Variants in SLC35F1 observed in about 807,000 individuals in gnomAD.
The protein encoded by SLC35F1 is solute carrier family 35 member F1, also known as chromosome 6 open reading frame 169.
In SLC35F1, 14 loss-of-function variants were observed where a neutral mutation model predicts 48.7. The observed-to-expected ratio is 0.29, with a 90% confidence interval of 0.19 to 0.45. SLC35F1 has a LOEUF of 0.45. SLC35F1 is among the 20% of genes least tolerant of loss of function. SLC35F1 has a pLI of 1.00. For synonymous variants in SLC35F1, 190 were observed against 202.2 expected (o/e 0.94, Z 0.51); for missense variants, 404 against 500.0 (o/e 0.81, Z 1.83).
chr6:118,043,816 A>G (rs568244545), intron 1 of SLC35F1, among the ~76,000 whole-genome samples: 106 of 152,358 alleles, frequency 7.0e-4, no homozygotes, highest in African/African-American at 2.5e-3. Flanking sequence ...GAAATGTTCT[A>G]AAGTTTTTGC....
At chr6:117,914,370 C>T (rs1466437053) in intron 1 of SLC35F1, among the ~76,000 whole-genome samples, 1 of 151,592 alleles carries the variant, frequency 6.6e-6, no homozygotes, top group Non-Finnish European at 1.5e-5. Context: ...ACTGAACAAA[C>T]ACTGAATAGA....
intron 2 of SLC35F1, among the ~76,000 whole-genome samples, chr6:118,200,174 A>G (rs1005269819): frequency 1.3e-5 from 2 of 149,104 alleles, no homozygotes; most frequent in Non-Finnish European, 2.9e-5. Flanking sequence ...ATACATACAT[A>G]CATACATACA....
At chr6:118,042,537 T>A (rs1335674025) in intron 1 of SLC35F1, among the ~76,000 whole-genome samples, 1 of 152,106 alleles carries the variant, frequency 6.6e-6, no homozygotes, top group Non-Finnish European at 1.5e-5. Context: ...AAGATGAACG[T>A]CAGAAACTTG....
intron 1 of SLC35F1, among the ~76,000 whole-genome samples, chr6:118,068,059 C>G (rs911764954): frequency 2.6e-5 from 4 of 152,110 alleles, no homozygotes; most frequent in African/African-American, 9.7e-5. Context: ...GTCCTGATTT[C>G]TGAGGGGAGG....
Position 118,003,483 on chromosome 6 carries a change from A to G in SLC35F1, c.173+95584A>G, listed in dbSNP as rs566782554. Reference sequence around the variant, plus strand: ...TCACATCAATGATGCATGGTGAGCTAGGTAGGTTGTCCTTATTGAGGTCTG... The same window carrying G: ...TCACATCAATGATGCATGGTGAGCTGGGTAGGTTGTCCTTATTGAGGTCTG... On this transcript the variant is annotated intron_variant, in intron 1 of 7. Coordinates refer to ENST00000360388, the MANE Select transcript of SLC35F1 (RefSeq NM_001029858.4). 4.6e-5 allele frequency among the ~76,000 whole-genome samples: 7 copies of G among 152,344 alleles called. No homozygotes were observed. The East Asian group carries it at 1.3e-3, about 29-fold the overall frequency.
intron 1 of SLC35F1, 74 bp from the exon 2 acceptor site, chr6:118,154,371 A>G: frequency 7.1e-7 from 1 of 1,402,626 alleles, no homozygotes; most frequent in Non-Finnish European, 9.7e-7. Flanking sequence ...CCAGTGCTCA[A>G]AAAGTTTTAA....
chr6:117,907,926 C>CG, intron 1 of SLC35F1, 27 bp downstream of exon 1: 15 of 1,302,720 alleles, frequency 1.2e-5, no homozygotes, highest in Non-Finnish European at 1.3e-5. Context: ...GGCGAGGGCG[C>CG]GGGGGGCGGG....
chr6:117,982,080 A>G (rs1461626406), intron 1 of SLC35F1, among the ~76,000 whole-genome samples: 2 of 152,218 alleles, frequency 1.3e-5, no homozygotes, highest in African/African-American at 4.8e-5. Flanking sequence ...TCTGTGATCT[A>G]TTACAACCCC....
rs1357261461 is a variant in SLC35F1, at chr6:118,315,240, A to C, written c.*988A>C. 6.6e-6 allele frequency: 1 copy of C among 152,578 alleles called. No homozygotes were observed. Among genetic ancestry groups the C allele is most frequent in the East Asian group, 1.9e-4 (1 of 5,192 alleles). The allele number at this position is 152,578 out of a possible 1,614,324, so 9.5% of individuals were successfully genotyped here. On this transcript the variant is annotated 3_prime_UTR_variant, in exon 8 of 8. Transcript: ENST00000360388. ...CTTTTTAAAAATACACCAGCATGGAAATTACCTTTATTGTGGAAAATCATT... is the reference window on the plus strand; with the variant it reads ...CTTTTTAAAAATACACCAGCATGGACATTACCTTTATTGTGGAAAATCATT...
At chr6:118,312,887 T>C (rs1429051133) in intron 7 of SLC35F1, among the ~76,000 whole-genome samples, 1 of 152,226 alleles carries the variant, frequency 6.6e-6, no homozygotes, top group East Asian at 1.9e-4. Flanking sequence ...CAGTTTTTAG[T>C]TCTTTCAGTA....
intron 1 of SLC35F1, among the ~76,000 whole-genome samples, chr6:117,928,029 G>T (rs2789012): frequency 6.6e-6 from 1 of 152,060 alleles, no homozygotes; most frequent in East Asian, 1.9e-4. Context: ...AAGGCATTTG[G>T]CAGGGTTTCC....
At chr6:118,203,312 G>A (rs1026352395) in intron 2 of SLC35F1, among the ~76,000 whole-genome samples, 1 of 152,196 alleles carries the variant, frequency 6.6e-6, no homozygotes, top group Non-Finnish European at 1.5e-5. Context: ...GTCCTTTTAA[G>A]TATTAGTACT....
chr6:117,922,632 C>T (rs553458417), intron 1 of SLC35F1, among the ~76,000 whole-genome samples: 2 of 152,280 alleles, frequency 1.3e-5, no homozygotes, highest in South Asian at 2.1e-4. Flanking sequence ...GAGCTGAAAT[C>T]AATCACAGAG....
At chr6:118,223,981 A>G (rs909084325) in intron 2 of SLC35F1, among the ~76,000 whole-genome samples, 44 of 152,368 alleles carry the variant, frequency 2.9e-4, no homozygotes, top group African/African-American at 9.9e-4. Context: ...TGACAGATTC[A>G]TCTGCTAATG....
intron 2 of SLC35F1, among the ~76,000 whole-genome samples, chr6:118,211,614 G>A (rs1775001782): frequency 6.6e-6 from 1 of 152,160 alleles, no homozygotes; most frequent in Admixed American, 6.5e-5. Context: ...GGAACATATG[G>A]ACATACCCTT....
At chr6:118,033,624 T>C (rs1772084552) in intron 1 of SLC35F1, among the ~76,000 whole-genome samples, 1 of 152,244 alleles carries the variant, frequency 6.6e-6, no homozygotes, top group South Asian at 2.1e-4. Context: ...TTTTTTTTTT[T>C]TTTCATCTTT....
chr6:117,997,667 C>T (rs531516447), intron 1 of SLC35F1, among the ~76,000 whole-genome samples: 55 of 152,262 alleles, frequency 3.6e-4, no homozygotes, highest in Non-Finnish European at 6.9e-4. Flanking sequence ...TCATATCCAG[C>T]CAAGCTAAGC....
chr6:118,026,002 A>G (rs1771932948), intron 1 of SLC35F1, among the ~76,000 whole-genome samples: 1 of 152,110 alleles, frequency 6.6e-6, no homozygotes, highest in African/African-American at 2.4e-5. Flanking sequence ...CTATTACTTC[A>G]AGGCACTCTG....
chr6:118,265,406 A>G (rs1187977203), intron 3 of SLC35F1, among the ~76,000 whole-genome samples: 1 of 152,208 alleles, frequency 6.6e-6, no homozygotes, highest in Non-Finnish European at 1.5e-5. Flanking sequence ...TACTATTACA[A>G]TTGGAACTAC....
Sources: allele counts gnomAD v4.1 joint callset (sites outside exome capture counted in the v4.1 genomes callset), GRCh38; gene constraint gnomAD v4.1.1; transcripts MANE v1.5; gene names NCBI Gene and HGNC (gene_info 2026-07-23, HGNC 2026-07-21).